Variants in TET3 observed in about 807,000 individuals in gnomAD.
TET3 encodes methylcytosine dioxygenase TET3.
In TET3, 19 loss-of-function variants were observed where a neutral mutation model predicts 141.4. The ratio of observed to expected loss-of-function variants is 0.13; its 90% CI spans 0.09 to 0.20. TET3 has a LOEUF of 0.20. Ranked by LOEUF, TET3 falls within the 10% of genes least tolerant of loss-of-function variation. The pLI is 1.00. For missense variants in TET3, 1,874 were observed against 2,356.9 expected, an observed-to-expected ratio of 0.80 and a Z score of 4.24; for synonymous variants, 1,043 against 980.9, an observed-to-expected ratio of 1.06 and a Z score of -1.18.
At chr2:74,056,608 TAAG>T (rs757158550) in intron 4 of TET3, among the ~76,000 whole-genome samples, 1 of 152,172 alleles carries the variant, frequency 6.6e-6, no homozygotes, top group Non-Finnish European at 1.5e-5. Context: ...GATCTTTCTT[TAAG>T]AAGAGTTGAG....
At chr2:74,026,281 C>G (rs76483403) in intron 3 of TET3, among the ~76,000 whole-genome samples, 24,281 of 152,108 alleles carry the variant, frequency 0.16, 2,272 homozygotes, top group Non-Finnish European at 0.22. Flanking sequence ...GAGATCACTG[C>G]CTTGGGTAGG....
Position 74,093,491 on chromosome 2 carries a change from C to A in TET3, c.3130-38C>A. The stretch of plus-strand genomic sequence containing the variant: ...GGTGCAGAATCGGGGCCACTCACCT[C>A]AGGTCATGTGAGCACCTCTCCTTGG... On this transcript the variant is annotated intron_variant, in intron 9 of 11. Transcript: ENST00000409262. This position sits in a 1 kb window ranked among gnomAD's most constrained non-coding sequence, Gnocchi z 4.2. 3 of 1,548,218 alleles carry A rather than the reference C, an allele frequency of 1.9e-6. No individual in the cohort carries two copies. Among genetic ancestry groups the A allele is most frequent in the Non-Finnish European group, 1.8e-6 (2 of 1,141,588 alleles).
intron 3 of TET3, among the ~76,000 whole-genome samples, chr2:74,026,204 T>A (rs1686344999): frequency 6.8e-6 from 1 of 147,094 alleles, no homozygotes; most frequent in South Asian, 2.3e-4. Flanking sequence ...AGGCCATCGC[T>A]GGGGGGAGAG....
the TET3 span, among the ~76,000 whole-genome samples, chr2:74,134,286 T>A: frequency 6.6e-6 from 1 of 152,192 alleles, no homozygotes; most frequent in Admixed American, 6.5e-5. Context: ...CTCTGTTTTG[T>A]CCCAACCTTC....
In TET3 at chr2:74,099,443, C is replaced by T. The variant is rs1460871197; in HGVS notation, c.3435C>T (p.Phe1145=). The T allele has an allele frequency of 1.9e-6, 3 of 1,613,948 alleles. No individual in the cohort carries two copies. Among genetic ancestry groups the T allele is most frequent in the Non-Finnish European group, 2.5e-6 (3 of 1,179,874 alleles). ...GSGAIQVLTA[F]PREVRRLPEP... is the part of the protein sequence containing the mutation. Reference sequence around the variant, plus strand: ...GAGCCATCCAGGTGCTCACCGCCTTCCCCCGCGAGGTCCGACGCCTGCCCG... The same window carrying T: ...GAGCCATCCAGGTGCTCACCGCCTTTCCCCGCGAGGTCCGACGCCTGCCCG... Residue 1145 remains phenylalanine (F), a synonymous_variant, in exon 11 of 12, where the codon TTC becomes TTT. Coordinates refer to ENST00000409262, the MANE Select transcript of TET3 (RefSeq NM_001287491.2).
At chr2:74,116,792 T>C in the TET3 span, among the ~76,000 whole-genome samples, 1 of 151,800 alleles carries the variant, frequency 6.6e-6, no homozygotes, top group Non-Finnish European at 1.5e-5. Flanking sequence ...AAAAAGAGCA[T>C]CTTGCCAGGT....
In TET3 at chr2:74,100,717, G is replaced by A; in HGVS notation, c.3929G>A (p.Gly1310Asp). 6.2e-7 allele frequency: 1 copy of A among 1,613,984 alleles called. No homozygotes were observed. The highest frequency in any genetic ancestry group is 1.3e-5 in the African/African-American group (1 of 75,046). Residue 1310 changes from glycine (G) to aspartate (D), a missense_variant, in exon 12 of 12, where the codon GGC (glycine) becomes GAC (aspartate). This residue lies in a region of TET3 where 602 missense variants were observed against 590.2 expected (regional missense o/e 1.02). Coordinates refer to ENST00000409262, the MANE Select transcript of TET3 (RefSeq NM_001287491.2). ...FLGPGAWGHS[G>D]SSGSFEKKPD... The stretch of plus-strand genomic sequence containing the variant: ...GGTCCTGGTGCCTGGGGGCACAGTG[G>A]CAGCAGTGGCAGTTTTGAGAAGAAG...
downstream of TET3, among the ~76,000 whole-genome samples, chr2:74,113,116 C>T (rs1331981571): frequency 3.4e-5 from 5 of 148,966 alleles, no homozygotes; most frequent in Non-Finnish European, 5.9e-5. Flanking sequence ...AATGGCCAGG[C>T]GCAGTGGCTC....
chr2:74,035,309 C>CA (rs1686987421), intron 3 of TET3, among the ~76,000 whole-genome samples: 2 of 137,628 alleles, frequency 1.5e-5, no homozygotes, highest in South Asian at 4.7e-4. Flanking sequence ...ACTAAAAATA[C>CA]AAAAATGAGC....
chr2:74,044,867 G>T (rs955766715), intron 3 of TET3, among the ~76,000 whole-genome samples: 3 of 152,214 alleles, frequency 2.0e-5, no homozygotes, highest in Admixed American at 6.5e-5. Flanking sequence ...TCCAAGTCAA[G>T]ATTAGGGATG....
intron 3 of TET3, among the ~76,000 whole-genome samples, chr2:74,012,424 A>G (rs986483519): frequency 1.2e-4 from 18 of 152,178 alleles, no homozygotes; most frequent in African/African-American, 4.3e-4. Flanking sequence ...AGCATTTACC[A>G]TGTGTGGGGC....
the TET3 span, among the ~76,000 whole-genome samples, chr2:74,114,899 T>C: frequency 7.9e-6 from 1 of 127,198 alleles, no homozygotes; most frequent in Non-Finnish European, 1.6e-5. Context: ...TGGTTATCTA[T>C]ATGCGAAGAA....
chr2:74,116,745 T>TA, the TET3 span, among the ~76,000 whole-genome samples: 1 of 150,178 alleles, frequency 6.7e-6, no homozygotes, highest in Middle Eastern at 3.2e-3. Flanking sequence ...TTATTATTTG[T>TA]CAATTTAAAA....
intron 4 of TET3, among the ~76,000 whole-genome samples, chr2:74,060,361 A>G (rs987839569): frequency 6.6e-6 from 1 of 151,996 alleles, no homozygotes; most frequent in Non-Finnish European, 1.5e-5. Context: ...TGTTTTTCTT[A>G]TTGAGTGGTA....
At chr2:74,041,020 G>T (rs1379278171) in intron 3 of TET3, among the ~76,000 whole-genome samples, 1 of 152,120 alleles carries the variant, frequency 6.6e-6, no homozygotes. Flanking sequence ...GGGCTAAACT[G>T]GTCCCCATCC....
chr2:74,036,087 A>G (rs1046663450), intron 3 of TET3, among the ~76,000 whole-genome samples: 5 of 152,226 alleles, frequency 3.3e-5, no homozygotes, highest in South Asian at 2.1e-4. Flanking sequence ...GGTGCTTACT[A>G]TGTACCTGGT....
At chr2:74,021,639 G>T (rs1407009269) in intron 3 of TET3, among the ~76,000 whole-genome samples, 1 of 152,108 alleles carries the variant, frequency 6.6e-6, no homozygotes, top group Non-Finnish European at 1.5e-5. Flanking sequence ...TCGTTCAGGG[G>T]CCACCTGGGT....
chr2:74,103,918 T>A lies in TET3; in HGVS notation c.*1742T>A, dbSNP rs545586352. 2 of 153,796 alleles carry A rather than the reference T, an allele frequency of 1.3e-5. No individual in the cohort carries two copies. The highest frequency in any genetic ancestry group is 3.9e-4 in the East Asian group (2 of 5,182). The allele number at this position is 153,796 out of a possible 1,614,324, so 9.5% of individuals were successfully genotyped here. A position where few individuals can be genotyped will look rare whatever the true frequency, so the allele number is the denominator to read the frequency against. ...GTATTCAGATATGGGTCTTCATGAA[T>A]CATGTTTAACAATCAGATGACCGCT... On this transcript the variant is annotated 3_prime_UTR_variant, in exon 12 of 12. Transcript: ENST00000409262.
chr2:74,061,281 C>T (rs1341345209), intron 4 of TET3, among the ~76,000 whole-genome samples: 13 of 139,258 alleles, frequency 9.3e-5, no homozygotes, highest in Admixed American at 2.1e-4. Context: ...GGCGGCTGGC[C>T]AGGCAGAGGG....
Sources: allele counts gnomAD v4.1 joint callset (sites outside exome capture counted in the v4.1 genomes callset), GRCh38; gene constraint gnomAD v4.1.1; regional missense constraint gnomAD v4.1.1; non-coding constraint Gnocchi (gnomAD v3.1); transcripts MANE v1.5; gene names NCBI Gene and HGNC (gene_info 2026-07-23, HGNC 2026-07-21).